AGAP1: variants seen among roughly 807,000 people sequenced by gnomAD.
The protein encoded by AGAP1 is arf-GAP with GTPase, ANK repeat and PH domain-containing protein 1.
Under a neutral mutation model 105.3 loss-of-function variants are expected in AGAP1, and 29 were observed. That is an observed-to-expected ratio of 0.28 (90% CI 0.21 to 0.38). The LOEUF (loss-of-function observed/expected upper bound fraction) is 0.38. Among genes scored for constraint, AGAP1 ranks in the 10% least tolerant of loss-of-function variants. The pLI is 1.00. For missense variants in AGAP1, 998 were observed against 1,165.1 expected (o/e 0.86, Z 2.09); for synonymous variants, 509 against 485.9 (o/e 1.05, Z -0.63).
At chr2:235,870,249 G>T (rs1315685095) in intron 9 of AGAP1, among the ~76,000 whole-genome samples, 1 of 152,174 alleles carries the variant, frequency 6.6e-6, no homozygotes, top group Non-Finnish European at 1.5e-5. Flanking sequence ...CTTGCATGTG[G>T]TCCTCCCCAT....
chr2:235,955,915 A>G (rs1357401392), intron 12 of AGAP1, among the ~76,000 whole-genome samples: 1 of 152,168 alleles, frequency 6.6e-6, no homozygotes, highest in Non-Finnish European at 1.5e-5. Context: ...TTCCCCACTC[A>G]GATAGGACAC....
At chr2:236,111,103 TG>T (rs2059627361) in intron 16 of AGAP1, among the ~76,000 whole-genome samples, 2 of 152,264 alleles carry the variant, frequency 1.3e-5, no homozygotes, top group Admixed American at 1.3e-4. Flanking sequence ...AACATCACCT[TG>T]GGGAGTTAGG....
chr2:235,693,015 TAG>T, intron 1 of AGAP1, among the ~76,000 whole-genome samples: 1 of 152,010 alleles, frequency 6.6e-6, no homozygotes, highest in Non-Finnish European at 1.5e-5. Flanking sequence ...GTGTGGACTG[TAG>T]AGTGTCAGAT....
At chr2:235,694,040 T>G (rs539596576) in intron 1 of AGAP1, among the ~76,000 whole-genome samples, 15 of 152,292 alleles carry the variant, frequency 9.8e-5, no homozygotes, top group Admixed American at 9.2e-4. Context: ...ATTCAAAGCA[T>G]GAGGAATAAG....
At chr2:236,048,143 G>A (rs1180089103) in intron 15 of AGAP1, among the ~76,000 whole-genome samples, 5 of 152,318 alleles carry the variant, frequency 3.3e-5, no homozygotes, top group South Asian at 2.1e-4. Flanking sequence ...TGAGTAAGCC[G>A]TATTTACTTA....
rs973226678 is a variant in AGAP1, at chr2:235,793,201, A to T, written c.674-4558A>T. On this transcript the variant is annotated intron_variant, in intron 6 of 17. Coordinates refer to ENST00000304032, the MANE Select transcript of AGAP1 (RefSeq NM_001037131.3). This position sits in a 1 kb window ranked among gnomAD's most constrained non-coding sequence, Gnocchi z 5.3. ...ATGGCAGGCCCAGCCTAGGGATTGC[A>T]GAGAGCAGGAGAGGCAGAGTCGAGC... Among the ~76,000 whole-genome samples the T allele has an allele frequency of 6.6e-6, 1 of 152,184 alleles. No homozygotes were observed. Among genetic ancestry groups the T allele is most frequent in the African/African-American group, 2.4e-5 (1 of 41,456 alleles).
Position 236,082,604 on chromosome 2 carries a change from C to T in AGAP1, c.2114+33323C>T, listed in dbSNP as rs1043078148. ...TTAAAGAAAAGAGGGCCAGGTGCAA[C>T]GGCTCACGCCTGTAATCCCAACACT... On this transcript the variant is annotated intron_variant, in intron 16 of 17. Coordinates refer to ENST00000304032, the MANE Select transcript of AGAP1 (RefSeq NM_001037131.3). This position sits in a 1 kb window ranked among gnomAD's most constrained non-coding sequence, Gnocchi z 4.2. Among the ~76,000 whole-genome samples the T allele has an allele frequency of 1.4e-4, 21 of 152,350 alleles. No homozygotes were observed. The highest frequency in any genetic ancestry group is 3.4e-3 in the Middle Eastern group (1 of 294).
chr2:235,686,641 ATATAGATATATATATATATATATATTTT>A (rs1949436956), intron 1 of AGAP1, among the ~76,000 whole-genome samples: 2 of 42,662 alleles, frequency 4.7e-5, no homozygotes, highest in African/African-American at 2.4e-4. Context: ...ATATATATAT[ATATAGATATATATATATATATATATTTT>A]TTTTTTTTTT....
At chr2:235,526,731 G>A (rs1942855368) in intron 1 of AGAP1, among the ~76,000 whole-genome samples, 1 of 152,166 alleles carries the variant, frequency 6.6e-6, no homozygotes, top group Non-Finnish European at 1.5e-5. Flanking sequence ...TGGGTGATGG[G>A]TAAAAGGTCA....
chr2:235,853,137 C>G (rs1261201693), intron 9 of AGAP1: 4 of 1,176,430 alleles, frequency 3.4e-6, no homozygotes, highest in Non-Finnish European at 3.1e-6. Flanking sequence ...AAAACATTTA[C>G]TGGCGCTTTG....
rs1222215825 is a variant in AGAP1 at position 236,053,104 on chromosome 2, C to T, written c.2114+3823C>T. ...GGGCGTCGAGCAGCTGGGCCGGGGG[C>T]CACCAGCCAGGCGGGGCTCTGGGTT... On this transcript the variant is annotated intron_variant, in intron 16 of 17. Coordinates refer to ENST00000304032, the MANE Select transcript of AGAP1 (RefSeq NM_001037131.3). This position sits in a 1 kb window ranked among gnomAD's most constrained non-coding sequence, Gnocchi z 4.6. Among the ~76,000 whole-genome samples the T allele has an allele frequency of 1.3e-5, 2 of 152,144 alleles. No individual in the cohort carries two copies. Among genetic ancestry groups the T allele is most frequent in the Non-Finnish European group, 2.9e-5 (2 of 68,032 alleles).
Position 235,612,898 on chromosome 2 carries a change from C to A in AGAP1, c.164-96281C>A, listed in dbSNP as rs950898986. Reference sequence around the variant, plus strand: ...CCAGGTTATGTTTGTGGCCTTTTATCTCTCCAATGTGAGGCATCTCTGATG... The same window carrying A: ...CCAGGTTATGTTTGTGGCCTTTTATATCTCCAATGTGAGGCATCTCTGATG... On this transcript the variant is annotated intron_variant, in intron 1 of 17. Coordinates refer to ENST00000304032, the MANE Select transcript of AGAP1 (RefSeq NM_001037131.3). The surrounding 1 kb of genome is among the most constrained non-coding windows in gnomAD (Gnocchi z 4.3). Among the ~76,000 whole-genome samples, 2 of 152,192 alleles carry A rather than the reference C, an allele frequency of 1.3e-5. No homozygotes were observed. The highest frequency in any genetic ancestry group is 2.4e-5 in the African/African-American group (1 of 41,444).
chr2:236,052,668 G>GA (rs967387237), intron 16 of AGAP1, among the ~76,000 whole-genome samples: 23 of 149,976 alleles, frequency 1.5e-4, no homozygotes, highest in South Asian at 1.5e-3. Flanking sequence ...CTCCCAGGAA[G>GA]AAAAAAAAAA....
Position 235,517,944 on chromosome 2 carries a change from A to AAAAG in AGAP1, c.163+23099_163+23102dup, listed in dbSNP as rs10680298. Among the ~76,000 whole-genome samples the AAAAG allele has an allele frequency of 0.85, 120,880 of 141,598 alleles. 51,990 individuals are homozygous for AAAAG. Among genetic ancestry groups the AAAAG allele is most frequent in the East Asian group, 0.97 (4,711 of 4,862 alleles). The allele number at this position is 141,598 out of a possible 152,430, so 92.9% of individuals were successfully genotyped here. A position where few individuals can be genotyped will look rare whatever the true frequency, so the allele number is the denominator to read the frequency against. ...TGAGACTCCGTTTCAAAAAAAAAAAAAAAGAAAAAAAAAAGGTAGAACTCA... is the reference window on the plus strand; with the variant it reads ...TGAGACTCCGTTTCAAAAAAAAAAAAAAAGAAAGAAAAAAAAAAGGTAGAACTCA... On this transcript the variant is annotated intron_variant, in intron 1 of 17. Transcript: ENST00000304032. The surrounding 1 kb of genome is among the most constrained non-coding windows in gnomAD (Gnocchi z 4.1).
At chr2:236,015,420 C>G (rs2056662607) in intron 13 of AGAP1, among the ~76,000 whole-genome samples, 1 of 152,152 alleles carries the variant, frequency 6.6e-6, no homozygotes, top group South Asian at 2.1e-4. Context: ...TGTTGTGTTT[C>G]TAAAGGTCGT....
At chr2:236,017,581 A>T (rs1273064743) in intron 13 of AGAP1, among the ~76,000 whole-genome samples, 1 of 152,300 alleles carries the variant, frequency 6.6e-6, no homozygotes, top group Non-Finnish European at 1.5e-5. Flanking sequence ...TGGACACTGG[A>T]GTTTCCTGTG....
Position 235,749,210 on chromosome 2 carries a change from T to TTTAAAAAA in AGAP1, c.539-1144_539-1143insTTAAAAAA, listed in dbSNP as rs1553621044. On this transcript the variant is annotated intron_variant, in intron 5 of 17. Coordinates refer to ENST00000304032, the MANE Select transcript of AGAP1 (RefSeq NM_001037131.3). ...GCGACACAGTGAGACTCCATCTCATTAAAAAAAAAGAAAAAAAAAGCTGTC... is the reference window on the plus strand; with the variant it reads ...GCGACACAGTGAGACTCCATCTCATTTTAAAAAAAAAAAAAAAGAAAAAAAAAGCTGTC... Among the ~76,000 whole-genome samples, 196 of 148,824 alleles carry TTTAAAAAA rather than the reference T, an allele frequency of 1.3e-3. 1 individual carries two copies. In the South Asian group the frequency reaches 0.024, roughly 18 times the overall value.
chr2:235,721,091 T>G lies in AGAP1; in HGVS notation c.310+3447T>G, dbSNP rs1951357490. On this transcript the variant is annotated intron_variant, in intron 3 of 17. Transcript: ENST00000304032. The surrounding 1 kb of genome is among the most constrained non-coding windows in gnomAD (Gnocchi z 4.5). ...GGCGTGATCTCAGCTCACTCCAACC[T>G]CTGCCTCCAGGATTCAAGTGATCCT... Among the ~76,000 whole-genome samples the G allele has an allele frequency of 6.6e-6, 1 of 152,192 alleles. No individual in the cohort carries two copies. The highest frequency in any genetic ancestry group is 6.5e-5 in the Admixed American group (1 of 15,276).
intron 1 of AGAP1, among the ~76,000 whole-genome samples, chr2:235,695,303 A>G (rs968644336): frequency 2.6e-5 from 4 of 152,332 alleles, no homozygotes; most frequent in Non-Finnish European, 5.9e-5. Flanking sequence ...TTATTGCCCT[A>G]TCTTATAGAA....
Sources: allele counts gnomAD v4.1 joint callset (sites outside exome capture counted in the v4.1 genomes callset), GRCh38; gene constraint gnomAD v4.1.1; non-coding constraint Gnocchi (gnomAD v3.1); transcripts MANE v1.5; gene names NCBI Gene and HGNC (gene_info 2026-07-23, HGNC 2026-07-21).